Variants in STAT4 observed in about 807,000 individuals in gnomAD.
STAT4 encodes the protein signal transducer and activator of transcription 4.
In STAT4, 42 loss-of-function variants were observed where a neutral mutation model predicts 110.5. That is an observed-to-expected ratio of 0.38 (90% CI 0.30 to 0.49). The LOEUF (loss-of-function observed/expected upper bound fraction) is 0.49. Ranked by LOEUF, STAT4 falls within the 20% of genes least tolerant of loss-of-function variation. STAT4 has a pLI of 0.95. For synonymous variants in STAT4, 284 were observed against 302.2 expected, an observed-to-expected ratio of 0.94 and a Z score of 0.63; for missense variants, 632 against 887.9, an observed-to-expected ratio of 0.71 and a Z score of 3.66.
chr2:191,122,557 A>G (rs934750829), intron 3 of STAT4, among the ~76,000 whole-genome samples: 3 of 152,206 alleles, frequency 2.0e-5, no homozygotes, highest in Admixed American at 2.0e-4. Context: ...ACAAACAAAA[A>G]TGTTCCTGAG....
At position 191,107,513 on chromosome 2, in the gene STAT4, G is replaced by C. The variant is rs982916040; in HGVS notation, c.274-31188C>G. ...GATAAAGAGAGCAAGGTTCAGGGGA[G>C]GCTGGGTTTATGTAACTTGCCCAAA... On this transcript the variant is annotated intron_variant, in intron 3 of 23. Coordinates refer to ENST00000392320, the MANE Select transcript of STAT4 (RefSeq NM_003151.4). The surrounding 1 kb of genome is among the most constrained non-coding windows in gnomAD (Gnocchi z 4.2). 3.9e-5 allele frequency among the ~76,000 whole-genome samples: 6 copies of C among 152,180 alleles called. No homozygotes were observed. The highest frequency in any genetic ancestry group is 9.7e-5 in the African/African-American group (4 of 41,438).
At chr2:191,145,978 T>C (rs181466932) in intron 3 of STAT4, among the ~76,000 whole-genome samples, 2 of 152,334 alleles carry the variant, frequency 1.3e-5, no homozygotes, top group African/African-American at 2.4e-5. Context: ...TCCAGACTTA[T>C]GCTGGGTGCT....
Position 191,099,088 on chromosome 2 carries a change from G to A in STAT4, c.274-22763C>T, listed in dbSNP as rs1698085972. Among the ~76,000 whole-genome samples, 1 of 151,866 alleles carries A rather than the reference G, an allele frequency of 6.6e-6. No individual in the cohort carries two copies. The highest frequency in any genetic ancestry group is 1.5e-5 in the Non-Finnish European group (1 of 67,954). ...AATTCACAAAAGAATACATCCAAAT[G>A]ACCAATAAATGTGGGAAAGGATGCC... On this transcript the variant is annotated intron_variant, in intron 3 of 23. Coordinates refer to ENST00000392320, the MANE Select transcript of STAT4 (RefSeq NM_003151.4). The surrounding 1 kb of genome is among the most constrained non-coding windows in gnomAD (Gnocchi z 4.1).
At position 191,061,073 on chromosome 2, in the gene STAT4, G is replaced by T. The variant is rs532060914; in HGVS notation, c.1034+656C>A. Among the ~76,000 whole-genome samples the T allele has an allele frequency of 6.6e-6, 1 of 152,152 alleles. No homozygotes were observed. The highest frequency in any genetic ancestry group is 2.1e-4 in the South Asian group (1 of 4,828). ...TAAGAACTCAAACTCATTGTTCTCA[G>T]CATCATTAGGGAAAACTGTAAGTTT... On this transcript the variant is annotated intron_variant, in intron 10 of 23. Coordinates refer to ENST00000392320, the MANE Select transcript of STAT4 (RefSeq NM_003151.4). This position sits in a 1 kb window ranked among gnomAD's most constrained non-coding sequence, Gnocchi z 6.2.
At chr2:191,136,052 T>C (rs1273387154) in intron 3 of STAT4, among the ~76,000 whole-genome samples, 1 of 145,922 alleles carries the variant, frequency 6.9e-6, no homozygotes, top group South Asian at 2.1e-4. Flanking sequence ...TGTGATCAAG[T>C]GGGATTTATC....
Position 191,135,711 on chromosome 2 carries a change from C to A in STAT4, c.273+10902G>T, listed in dbSNP as rs1290866002. ...TCAAACTCCTGACCTCAGGTGGTCA[C>A]CTGCCTCAGCTTCCCAAAGTGCTGG... is the stretch of plus-strand genomic sequence containing the variant. On this transcript the variant is annotated intron_variant, in intron 3 of 23. Transcript: ENST00000392320. This position sits in a 1 kb window ranked among gnomAD's most constrained non-coding sequence, Gnocchi z 4.8. Among the ~76,000 whole-genome samples, 2 of 152,170 alleles carry A rather than the reference C, an allele frequency of 1.3e-5. No individual in the cohort carries two copies. The highest frequency in any genetic ancestry group is 2.4e-5 in the African/African-American group (1 of 41,448).
intron 3 of STAT4, among the ~76,000 whole-genome samples, chr2:191,134,099 G>A (rs971215713): frequency 2.6e-5 from 4 of 152,162 alleles, no homozygotes; most frequent in Admixed American, 2.6e-4. Flanking sequence ...ATTCACACCT[G>A]AGCAATCCTT....
At chr2:191,093,966 A>G (rs1340416544) in intron 3 of STAT4, among the ~76,000 whole-genome samples, 1 of 152,240 alleles carries the variant, frequency 6.6e-6, no homozygotes, top group Non-Finnish European at 1.5e-5. Context: ...AGCCAATTCA[A>G]TCAAGTGGAA....
chr2:191,054,814 C>G (rs556857110), intron 13 of STAT4, among the ~76,000 whole-genome samples: 27 of 152,308 alleles, frequency 1.8e-4, no homozygotes, highest in African/African-American at 6.5e-4. Flanking sequence ...ATGCTGGGAA[C>G]TTTCAGAATC....
At chr2:191,069,260 C>T (rs3024844) in intron 6 of STAT4, among the ~76,000 whole-genome samples, 7 of 152,050 alleles carry the variant, frequency 4.6e-5, no homozygotes, top group African/African-American at 1.7e-4. Flanking sequence ...TCCTATGAAA[C>T]ACATTTCTAT....
chr2:191,073,254 A>C, intron 4 of STAT4, 64 bp from the exon 5 acceptor site: 1 of 1,341,918 alleles, frequency 7.5e-7, no homozygotes, highest in Non-Finnish European at 1.1e-6. Flanking sequence ...TGCAATACAT[A>C]CCGCATACAA....
chr2:191,104,216 TC>T lies in STAT4; in HGVS notation c.274-27892del, dbSNP rs1698216735. On this transcript the variant is annotated intron_variant, in intron 3 of 23. Transcript: ENST00000392320. The surrounding 1 kb of genome is among the most constrained non-coding windows in gnomAD (Gnocchi z 4.3). ...ATAGAATTATGGATAAATATTTTTTTCTTTTTGTCCTTCTTCATTTTCCAAA... is the reference window on the plus strand; with the variant it reads ...ATAGAATTATGGATAAATATTTTTTTTTTTTGTCCTTCTTCATTTTCCAAA... 1.3e-5 allele frequency among the ~76,000 whole-genome samples: 2 copies of T among 152,254 alleles called. No individual in the cohort carries two copies. Among genetic ancestry groups the T allele is most frequent in the African/African-American group, 2.4e-5 (1 of 41,476 alleles).
rs904120148 is a variant in STAT4 at position 191,086,889 on chromosome 2, T to A, written c.274-10564A>T. ...AACCTTTGTATCTGCCTGCTCATGT[T>A]TGGACTTCTCAGAAAGTTCACTTGA... On this transcript the variant is annotated intron_variant, in intron 3 of 23. Transcript: ENST00000392320. This position sits in a 1 kb window ranked among gnomAD's most constrained non-coding sequence, Gnocchi z 5.5. 6.6e-6 allele frequency among the ~76,000 whole-genome samples: 1 copy of A among 152,194 alleles called. No homozygotes were observed. The highest frequency in any genetic ancestry group is 1.5e-5 in the Non-Finnish European group (1 of 68,028).
At position 191,058,326 on chromosome 2, in the gene STAT4, C is replaced by G; in HGVS notation, c.1095-107G>C. 1 of 1,213,950 alleles carries G rather than the reference C, an allele frequency of 8.2e-7. No individual in the cohort carries two copies. Among genetic ancestry groups the G allele is most frequent in the Non-Finnish European group, 1.1e-6 (1 of 871,004 alleles). The allele number at this position is 1,213,950 out of a possible 1,614,324, so 75.2% of individuals were successfully genotyped here. A position where few individuals can be genotyped will look rare whatever the true frequency, so the allele number is the denominator to read the frequency against. On this transcript the variant is annotated intron_variant, in intron 11 of 23. Transcript: ENST00000392320. This position sits in a 1 kb window ranked among gnomAD's most constrained non-coding sequence, Gnocchi z 4.3. ...TTATTTATTTATTTTGAGACAGAGT[C>G]TCGCTCTGTCGTCCAGGCTGGAGTG...
intron 1 of STAT4, among the ~76,000 whole-genome samples, chr2:191,149,266 A>G (rs531607502): frequency 2.0e-5 from 3 of 152,296 alleles, no homozygotes; most frequent in Non-Finnish European, 4.4e-5. Context: ...GTAATTTCAT[A>G]TATTTCATAT....
chr2:191,081,060 CA>C (rs1033310847), intron 3 of STAT4, among the ~76,000 whole-genome samples: 4 of 152,176 alleles, frequency 2.6e-5, no homozygotes, highest in Admixed American at 2.0e-4. Flanking sequence ...TCTCATTGTT[CA>C]ACTCCCACTT....
At chr2:191,129,419 T>C (rs1002623540) in intron 3 of STAT4, among the ~76,000 whole-genome samples, 12 of 151,924 alleles carry the variant, frequency 7.9e-5, no homozygotes, top group African/African-American at 2.7e-4. Context: ...CAAGACCCCA[T>C]CTCTGAAAAA....
At chr2:191,125,636 C>A (rs4549119) in intron 3 of STAT4, among the ~76,000 whole-genome samples, 92,267 of 151,480 alleles carry the variant, frequency 0.61, 28,866 homozygotes, top group South Asian at 0.78. Context: ...TACAGGTGTA[C>A]GCACGCTACC....
chr2:191,051,204 A>G lies in STAT4; in HGVS notation c.1251+3286T>C, dbSNP rs1696514031. Among the ~76,000 whole-genome samples the G allele has an allele frequency of 1.3e-5, 2 of 152,258 alleles. No individual in the cohort carries two copies. The highest frequency in any genetic ancestry group is 1.3e-4 in the Admixed American group (2 of 15,290). On this transcript the variant is annotated intron_variant, in intron 14 of 23. Coordinates refer to ENST00000392320, the MANE Select transcript of STAT4 (RefSeq NM_003151.4). This position sits in a 1 kb window ranked among gnomAD's most constrained non-coding sequence, Gnocchi z 5.6. The stretch of plus-strand genomic sequence containing the variant: ...CCCTGAAAGGGACCACATCTCCAGC[A>G]GAGCACTTGACAGGTGAGCAGAGAA...
Sources: allele counts gnomAD v4.1 joint callset (sites outside exome capture counted in the v4.1 genomes callset), GRCh38; gene constraint gnomAD v4.1.1; non-coding constraint Gnocchi (gnomAD v3.1); transcripts MANE v1.5; gene names NCBI Gene and HGNC (gene_info 2026-07-23, HGNC 2026-07-21).